The following CBL variants were observed in gnomAD, a reference collection of about 807,000 sequenced individuals.
CBL encodes the protein Cbl proto-oncogene.
Under a neutral mutation model 96.9 loss-of-function variants are expected in CBL, and 45 were observed. That is an observed-to-expected ratio of 0.46 (90% confidence interval 0.37 to 0.60). CBL has a LOEUF of 0.60. Ranked by LOEUF, CBL falls within the 20% of genes least tolerant of loss-of-function variation. The pLI is 0.00. For synonymous variants in CBL, 420 were observed against 426.8 expected, an observed-to-expected ratio of 0.98 and a Z score of 0.20; for missense variants, 1,024 against 1,143.5, an observed-to-expected ratio of 0.90 and a Z score of 1.51.
intron 2 of CBL, among the ~76,000 whole-genome samples, chr11:119,245,020 C>G (rs1354790499): frequency 6.6e-6 from 1 of 151,980 alleles, no homozygotes; most frequent in African/African-American, 2.4e-5. Flanking sequence ...TACAGGCACA[C>G]ACCACCATGC....
intron 1 of CBL, among the ~76,000 whole-genome samples, chr11:119,213,967 G>A (rs953496146): frequency 6.7e-5 from 10 of 150,012 alleles, no homozygotes; most frequent in South Asian, 2.1e-4. Context: ...TTTTTGAGAC[G>A]GAGTCTCGCT....
chr11:119,305,920 C>T lies in CBL; in HGVS notation c.*6139C>T, dbSNP rs1950136493. 7.7e-6 allele frequency: 2 copies of T among 260,068 alleles called. No individual in the cohort carries two copies. Among genetic ancestry groups the T allele is most frequent in the Admixed American group, 5.4e-5 (1 of 18,502 alleles). The allele number at this position is 260,068 out of a possible 1,614,324, so 16.1% of individuals were successfully genotyped here. On this transcript the variant is annotated 3_prime_UTR_variant, in exon 16 of 16. Coordinates refer to ENST00000264033, the MANE Select transcript of CBL (RefSeq NM_005188.4). ...TACACACAGAAGTTACCTAATAATC[C>T]AAAGATGTCCATCAAGGGAGGAAGG...
intron 9 of CBL, among the ~76,000 whole-genome samples, chr11:119,282,467 C>T (rs985907092): frequency 6.6e-6 from 1 of 152,056 alleles, no homozygotes; most frequent in Admixed American, 6.5e-5. Flanking sequence ...AGAGGGCCTT[C>T]CAGAATGGGG....
intron 12 of CBL, among the ~76,000 whole-genome samples, chr11:119,291,075 C>T (rs1029622107): frequency 6.6e-6 from 1 of 152,138 alleles, no homozygotes; most frequent in Non-Finnish European, 1.5e-5. Context: ...AGAAATTAGC[C>T]GTCAGCCTTA....
intron 1 of CBL, among the ~76,000 whole-genome samples, chr11:119,218,765 T>A (rs1949383343): frequency 6.6e-6 from 1 of 152,146 alleles, no homozygotes; most frequent in Non-Finnish European, 1.5e-5. Context: ...TTAATGACCC[T>A]CAAAGCATAA....
At position 119,232,625 on chromosome 11, in the gene CBL, A is replaced by G; in HGVS notation, c.373A>G (p.Lys125Glu). ...FRVFMENLMK[K>E]TKQTISLFKE... ...GGTGTTTATGGAGAATTTGATGAAGAAAACTAAGCAAACCATAAGCCTCTT... is the reference window on the plus strand; with the variant it reads ...GGTGTTTATGGAGAATTTGATGAAGGAAACTAAGCAAACCATAAGCCTCTT... The change falls in exon 2 of 16, where the codon AAA becomes GAA. Residue 125 changes from lysine to glutamate, a missense_variant. Around this residue, in one of 4 missense-constraint regions of CBL, gnomAD observed 192 missense variants for 321.8 expected, o/e 0.60. Coordinates refer to ENST00000264033, the MANE Select transcript of CBL (RefSeq NM_005188.4). The G allele has an allele frequency of 1.9e-6, 3 of 1,614,000 alleles. No homozygotes were observed. The highest frequency in any genetic ancestry group is 2.5e-6 in the Non-Finnish European group (3 of 1,179,834).
rs1300716485 is a variant in CBL, at chr11:119,277,797, A to T, written c.1048A>T (p.Thr350Ser). The change falls in exon 7 of 16, where the codon ACT (threonine) becomes TCT (serine). Residue 350 changes from threonine to serine, a missense_variant. Transcript: ENST00000264033. ...TGGACGAAATCAGAATCCTGATCTG[A>T]CTGGCTTATGTGAACCAACTCCCCA... ...PDGRNQNPDL[T>S]GLCEPTPQDH... 2 of 1,614,066 alleles carry T rather than the reference A, an allele frequency of 1.2e-6. No homozygotes were observed. The highest frequency in any genetic ancestry group is 2.2e-5 in the South Asian group (2 of 91,084).
At chr11:119,232,323 T>C in intron 1 of CBL, 125 bp from the exon 2 acceptor site, 2 of 1,063,234 alleles carry the variant, frequency 1.9e-6, no homozygotes, top group Non-Finnish European at 2.8e-6. Context: ...GATCTGCTTC[T>C]TATATTCTCA....
At chr11:119,206,678 A>G (rs1267510250) in intron 1 of CBL, 66 bp downstream of exon 1, 15 of 1,243,800 alleles carry the variant, frequency 1.2e-5, no homozygotes, top group East Asian at 4.9e-5. Flanking sequence ...GGGGAGGGGA[A>G]CGAGCGGACG....
intron 2 of CBL, among the ~76,000 whole-genome samples, chr11:119,264,605 C>T (rs955006554): frequency 4.0e-5 from 6 of 151,846 alleles, no homozygotes; most frequent in Admixed American, 3.9e-4. Flanking sequence ...CCTCAGCATC[C>T]CTAGTAGCTG....
rs2135299171 is a variant in CBL, at chr11:119,274,034, TA to T, written c.747+16del. 6.3e-7 allele frequency: 1 copy of T among 1,594,820 alleles called. No homozygotes were observed. On this transcript the variant is annotated intron_variant, in intron 4 of 15. Coordinates refer to ENST00000264033, the MANE Select transcript of CBL (RefSeq NM_005188.4). ...TACCCGACTCTTTCAGGTAGGACAC[TA>T]AAAAAGTTGACTAAACTGGTTACTG...
At chr11:119,206,746 A>C (rs1949272689) in intron 1 of CBL, 134 bp downstream of exon 1, 6 of 304,856 alleles carry the variant, frequency 2.0e-5, no homozygotes, top group African/African-American at 3.2e-5. Flanking sequence ...AGCCGGGGTG[A>C]CCGGCCGGGG....
intron 12 of CBL, among the ~76,000 whole-genome samples, chr11:119,293,347 A>T (rs1444500260): frequency 6.6e-6 from 1 of 151,968 alleles, no homozygotes; most frequent in Admixed American, 6.6e-5. Context: ...ACCTCAAGTG[A>T]TCCACCCACC....
intron 3 of CBL, 57 bp downstream of exon 3, chr11:119,271,938 C>G: frequency 2.6e-6 from 4 of 1,549,594 alleles, no homozygotes; most frequent in Non-Finnish European, 2.7e-6. Flanking sequence ...CGAGTTTTTT[C>G]TTTACTTTTT....
intron 12 of CBL, chr11:119,289,697 T>C (rs1392362171): frequency 6.6e-6 from 1 of 152,206 alleles, no homozygotes; most frequent in African/African-American, 2.4e-5. Context: ...TATTCTTTAA[T>C]AGTTATCAAG....
intron 1 of CBL, among the ~76,000 whole-genome samples, chr11:119,207,121 TG>T (rs1949276640): frequency 6.6e-6 from 1 of 152,074 alleles, no homozygotes; most frequent in Non-Finnish European, 1.5e-5. Context: ...TCAGGGAAGC[TG>T]TGCTCTGGGT....
chr11:119,272,852 C>T (rs1047480850), intron 3 of CBL, among the ~76,000 whole-genome samples: 1 of 152,102 alleles, frequency 6.6e-6, no homozygotes, highest in Non-Finnish European at 1.5e-5. Context: ...TTACAAATAT[C>T]TTCTCCCAGT....
intron 2 of CBL, among the ~76,000 whole-genome samples, chr11:119,260,993 A>G (rs1186830228): frequency 7.4e-6 from 1 of 135,338 alleles, no homozygotes; most frequent in African/African-American, 2.9e-5. Context: ...GGACACTACA[A>G]CCTCTGCTTC....
chr11:119,230,089 T>G (rs775320478), intron 1 of CBL, among the ~76,000 whole-genome samples: 6 of 152,156 alleles, frequency 3.9e-5, no homozygotes, highest in Non-Finnish European at 8.8e-5. Flanking sequence ...TAGACTAGAA[T>G]TATTTAAATA....
Sources: gnomAD v4.1 joint callset for allele counts (sites outside exome capture counted in the v4.1 genomes callset) on GRCh38, gnomAD v4.1.1 for gene constraint, gnomAD v4.1.1 regional missense constraint, MANE v1.5 for transcripts, NCBI Gene and HGNC (gene_info 2026-07-23, HGNC 2026-07-21) for gene names.